Variants in GUF1 observed in about 807,000 individuals in gnomAD.
GUF1 encodes the protein GTP binding elongation factor GUF1.
In GUF1, 78 loss-of-function variants were observed where a neutral mutation model predicts 82.4. The observed-to-expected ratio is 0.95, with a 90% CI of 0.79 to 1.14. The LOEUF is 1.14. Among genes scored for constraint, GUF1 ranks in the 50% most tolerant of loss-of-function variants. GUF1 has a pLI of 0.00. For synonymous variants in GUF1, 279 were observed against 282.3 expected (o/e 0.99, Z 0.12); for missense variants, 814 against 798.2 (o/e 1.02, Z -0.24).
chr4:44,680,319 TAAAC>T (rs1714688421), intron 1 of GUF1, 118 bp from the exon 2 acceptor site: 1 of 548,962 alleles, frequency 1.8e-6, no homozygotes. Context: ...AATAATAATA[TAAAC>T]AATATAAATG....
rs200893426 is a variant in GUF1 at position 44,686,634 on chromosome 4, G to C, written c.859G>C (p.Val287Leu). The C allele has an allele frequency of 6.2e-7, 1 of 1,611,760 alleles. No homozygotes were observed. Among genetic ancestry groups the C allele is most frequent in the Non-Finnish European group, 8.5e-7 (1 of 1,178,368 alleles). The change falls in exon 8 of 17, where the codon GTA becomes CTA. Residue 287 changes from valine (V) to leucine (L), a missense_variant. Physicochemically the swap from Val to Leu is conservative, Grantham distance 32. Transcript: ENST00000281543. ...DGVVSKGDKI[V>L]SAHTQKTYEV... is the part of the protein sequence containing the mutation. ...AGTGGTTTCCAAAGGAGATAAAATT[G>C]TATCTGCACATACTCAAAAGACATA...
At chr4:44,680,260 A>G (rs746032551) in intron 1 of GUF1, among the ~76,000 whole-genome samples, 181 bp from the exon 2 acceptor site, 13 of 152,158 alleles carry the variant, frequency 8.5e-5, no homozygotes, top group Non-Finnish European at 1.6e-4. Flanking sequence ...TGGCTATTAA[A>G]CTGATGTTCC....
In GUF1 at chr4:44,678,791, A is replaced by G; in HGVS notation, c.165+4A>G. ...CTACAGCTCCGCAGAATTCAAGGTG[A>G]CTGCCCCCTGGAATCTGATTTAGCC... On this transcript the variant is annotated splice_donor_region_variant and intron_variant, in intron 1 of 16. Coordinates refer to ENST00000281543, the MANE Select transcript of GUF1 (RefSeq NM_021927.3). The G allele has an allele frequency of 6.4e-7, 1 of 1,551,392 alleles. No homozygotes were observed.
At chr4:44,695,910 T>C in intron 15 of GUF1, among the ~76,000 whole-genome samples, 176 bp downstream of exon 15, 1 of 152,212 alleles carries the variant, frequency 6.6e-6, no homozygotes, top group East Asian at 1.9e-4. Flanking sequence ...TTGAATTACT[T>C]ATATAACAGC....
At chr4:44,688,255 T>G in intron 9 of GUF1, 109 bp downstream of exon 9, 2 of 1,042,184 alleles carry the variant, frequency 1.9e-6, no homozygotes, top group Non-Finnish European at 1.4e-6. Context: ...AAATAACCAC[T>G]AATTCCAGCA....
rs376602108 is a variant in GUF1 at position 44,682,289 on chromosome 4, A to G, written c.508-45A>G. 1.5e-4 allele frequency: 165 copies of G among 1,064,740 alleles called. No homozygotes were observed. The African/African-American group carries it at 2.5e-3, about 16-fold the overall frequency. 66.0% of individuals were successfully genotyped at this position (1,064,740 alleles called of 1,614,324 possible). A position where few individuals can be genotyped will look rare whatever the true frequency, so the allele number is the denominator to read the frequency against. On this transcript the variant is annotated intron_variant, in intron 4 of 16. Coordinates refer to ENST00000281543, the MANE Select transcript of GUF1 (RefSeq NM_021927.3). ...TCTTAAATTACAAGTTTTGTGATAT[A>G]TAATAGAATGGTCATCTCAGTATCT...
chr4:44,698,769 G>T lies in GUF1; in HGVS notation c.*88G>T. 8.1e-7 allele frequency: 1 copy of T among 1,236,126 alleles called. No homozygotes were observed. Among genetic ancestry groups the T allele is most frequent in the South Asian group, 1.5e-5 (1 of 65,664 alleles). 76.6% of individuals were successfully genotyped at this position (1,236,126 alleles called of 1,614,324 possible). A position where few individuals can be genotyped will look rare whatever the true frequency, so the allele number is the denominator to read the frequency against. ...ATAAAATTTGCTTGTTACTTTCAGG[G>T]TATTCAGGTTCAAATAACCTACTAG... On this transcript the variant is annotated 3_prime_UTR_variant, in exon 17 of 17. Coordinates refer to ENST00000281543, the MANE Select transcript of GUF1 (RefSeq NM_021927.3).
Position 44,697,305 on chromosome 4 carries a change from A to G in GUF1, c.1836-103A>G, listed in dbSNP as rs1715888960. On this transcript the variant is annotated intron_variant, in intron 15 of 16. Transcript: ENST00000281543. ...GCAATTTTACATAGGTAATGATACTATCATTAAAATTTTCTAGTAAAGGGG... is the reference window on the plus strand; with the variant it reads ...GCAATTTTACATAGGTAATGATACTGTCATTAAAATTTTCTAGTAAAGGGG... The G allele has an allele frequency of 1.0e-5, 6 of 573,730 alleles. No homozygotes were observed. The South Asian group carries it at 2.1e-4, about 20-fold the overall frequency. 35.5% of individuals were successfully genotyped at this position (573,730 alleles called of 1,614,324 possible).
rs775182219 is a variant in GUF1, at chr4:44,682,366, T to C, written c.540T>C (p.Phe180=). 2 of 1,544,776 alleles carry C rather than the reference T, an allele frequency of 1.3e-6. No individual in the cohort carries two copies. The highest frequency in any genetic ancestry group is 8.7e-7 in the Non-Finnish European group (1 of 1,146,832). The change falls in exon 5 of 17, where the codon TTT becomes TTC. Residue 180 remains phenylalanine (F), a synonymous_variant. Transcript: ENST00000281543. The stretch of plus-strand genomic sequence containing the variant: ...AAGCCCAAACTGTAGCAAACTTCTT[T>C]CTTGCCTTCGAAGCACAGCTATCGG... ...GIQAQTVANF[F]LAFEAQLSVI... is the part of the protein sequence containing the mutation.
intron 5 of GUF1, chr4:44,682,755 A>G (rs529551418): frequency 3.7e-4 from 64 of 172,998 alleles, no homozygotes; most frequent in Non-Finnish European, 7.3e-5. Flanking sequence ...ATGAAGCATG[A>G]CAATTTAGTG....
chr4:44,687,844 T>A (rs1028243817), intron 8 of GUF1, among the ~76,000 whole-genome samples, 163 bp from the exon 9 acceptor site: 2 of 151,988 alleles, frequency 1.3e-5, no homozygotes, highest in African/African-American at 4.8e-5. Flanking sequence ...GTTCATTTGC[T>A]GACAAGCTTC....
At chr4:44,695,822 A>G in intron 15 of GUF1, 88 bp downstream of exon 15, 1 of 1,314,360 alleles carries the variant, frequency 7.6e-7, no homozygotes, top group South Asian at 1.4e-5. Flanking sequence ...TTAATTTAAC[A>G]TTGGCCTAAG....
Position 44,686,490 on chromosome 4 carries a change from T to G in GUF1, c.735-20T>G. 1 of 1,492,906 alleles carries G rather than the reference T, an allele frequency of 6.7e-7. No individual in the cohort carries two copies. The highest frequency in any genetic ancestry group is 9.2e-7 in the Non-Finnish European group (1 of 1,082,942). 92.5% of individuals were successfully genotyped at this position (1,492,906 alleles called of 1,614,324 possible). A position where few individuals can be genotyped will look rare whatever the true frequency, so the allele number is the denominator to read the frequency against. On this transcript the variant is annotated intron_variant, in intron 7 of 16. Coordinates refer to ENST00000281543, the MANE Select transcript of GUF1 (RefSeq NM_021927.3). ...TTTAATTTAGTGTATATATATTTAC[T>G]TTTTACTTATATTTACTAGTCCTAA...
At chr4:44,695,549 G>A (rs1301785908) in intron 14 of GUF1, 66 bp from the exon 15 acceptor site, 4 of 1,400,530 alleles carry the variant, frequency 2.9e-6, no homozygotes, top group Non-Finnish European at 3.0e-6. Context: ...TTATGCAACT[G>A]GCCTAGAAAA....
At chr4:44,681,285 G>A (rs1714760101) in intron 4 of GUF1, 82 bp downstream of exon 4, 5 of 1,020,174 alleles carry the variant, frequency 4.9e-6, no homozygotes, top group African/African-American at 3.2e-5. Flanking sequence ...ATGTGTTTTG[G>A]AAATAGAATT....
In GUF1 at chr4:44,689,399, G is replaced by A; in HGVS notation, c.1192G>A (p.Ala398Thr). ...TCGGGATAGTAGCCTTGCTCTGGGT[G>A]CTGGCTGGAGGTAAGATTCATTCAC... is the stretch of plus-strand genomic sequence containing the variant. Reference protein sequence around the residue: ...VHRDSSLALGAGWRLGFLGLL... With the variant: ...VHRDSSLALGTGWRLGFLGLL... The change falls in exon 10 of 17, where the codon GCT becomes ACT. Residue 398 changes from alanine to threonine, a missense_variant. By Grantham distance (58) the Ala-to-Thr change is moderately conservative (BLOSUM62 0). Transcript: ENST00000281543. 1 of 1,603,472 alleles carries A rather than the reference G, an allele frequency of 6.2e-7. No homozygotes were observed. Among genetic ancestry groups the A allele is most frequent in the Non-Finnish European group, 8.5e-7 (1 of 1,174,252 alleles).
At chr4:44,679,515 T>C (rs2109626508) in intron 1 of GUF1, among the ~76,000 whole-genome samples, 1 of 152,334 alleles carries the variant, frequency 6.6e-6, no homozygotes, top group African/African-American at 2.4e-5. Flanking sequence ...TATGCCTGTG[T>C]TTTTAAAAAT....
Position 44,698,722 on chromosome 4 carries a change from T to C in GUF1, c.*41T>C. On this transcript the variant is annotated 3_prime_UTR_variant, in exon 17 of 17. Coordinates refer to ENST00000281543, the MANE Select transcript of GUF1 (RefSeq NM_021927.3). Reference sequence around the variant, plus strand: ...AGAATTTTCATTGCAATTTGTAATATGCTGACAACAGAAAGAAAATTATAA... The same window carrying C: ...AGAATTTTCATTGCAATTTGTAATACGCTGACAACAGAAAGAAAATTATAA... The C allele has an allele frequency of 6.5e-7, 1 of 1,529,646 alleles. No homozygotes were observed. Among genetic ancestry groups the C allele is most frequent in the Non-Finnish European group, 8.8e-7 (1 of 1,130,246 alleles). 94.8% of individuals were successfully genotyped at this position (1,529,646 alleles called of 1,614,324 possible).
chr4:44,694,737 T>C (rs1715680491), intron 14 of GUF1, among the ~76,000 whole-genome samples: 1 of 152,090 alleles, frequency 6.6e-6, no homozygotes, highest in African/African-American at 2.4e-5. Context: ...AATGTTTCCC[T>C]TCACCATATT....
Sources: allele counts gnomAD v4.1 joint callset (sites outside exome capture counted in the v4.1 genomes callset), GRCh38; gene constraint gnomAD v4.1.1; transcripts MANE v1.5; gene names NCBI Gene and HGNC (gene_info 2026-07-23, HGNC 2026-07-21).